TUBGCP4: variants seen among roughly 807,000 people sequenced by gnomAD.
The protein encoded by TUBGCP4 is tubulin gamma complex component 4.
A neutral mutation model predicts 91.6 loss-of-function variants in TUBGCP4; 54 were observed. The ratio of observed to expected loss-of-function variants is 0.59; its 90% CI spans 0.47 to 0.74. The LOEUF is 0.74. TUBGCP4 is among the 30% of genes least tolerant of loss of function. The pLI, the probability that TUBGCP4 is intolerant of heterozygous loss-of-function variation, is 0.00. For missense variants in TUBGCP4, 593 were observed against 800.9 expected, an observed-to-expected ratio of 0.74 and a Z score of 3.13; for synonymous variants, 297 against 302.8, an observed-to-expected ratio of 0.98 and a Z score of 0.20.
rs1304534290 is a variant in TUBGCP4 at position 43,376,243 on chromosome 15, G to C, written c.207+17G>C. The C allele has an allele frequency of 8.7e-6, 14 of 1,612,822 alleles. No homozygotes were observed. Among genetic ancestry groups the C allele is most frequent in the Non-Finnish European group, 1.2e-5 (14 of 1,179,480 alleles). Reference sequence around the variant, plus strand: ...CAACAGCAGGTGGGTCCTGTTCTCTGTGGGTGTACACCTCTAGAGGGCAGG... The same window carrying C: ...CAACAGCAGGTGGGTCCTGTTCTCTCTGGGTGTACACCTCTAGAGGGCAGG... On this transcript the variant is annotated intron_variant, in intron 2 of 17. Coordinates refer to ENST00000564079, the MANE Select transcript of TUBGCP4 (RefSeq NM_014444.5).
chr15:43,371,720 A>G (rs1486371646), intron 1 of TUBGCP4, among the ~76,000 whole-genome samples: 1 of 152,196 alleles, frequency 6.6e-6, no homozygotes, highest in Non-Finnish European at 1.5e-5. Context: ...GGAATGATAT[A>G]GAAGTGTGGG....
intron 6 of TUBGCP4, among the ~76,000 whole-genome samples, chr15:43,381,455 G>A (rs1221258390): frequency 2.6e-5 from 4 of 152,082 alleles, no homozygotes; most frequent in Admixed American, 6.5e-5. Flanking sequence ...AACACTTGTA[G>A]GCTGGGCTCG....
rs765125458 is a variant in TUBGCP4, at chr15:43,371,307, G to A, written c.-48G>A. The stretch of plus-strand genomic sequence containing the variant: ...TCCCCTCGTGGTCGCCTGGAGGTGC[G>A]CTGGAGGAGGGGGTGACATAACCAG... On this transcript the variant is annotated 5_prime_UTR_variant, in exon 1 of 18. Transcript: ENST00000564079. 1 of 1,584,718 alleles carries A rather than the reference G, an allele frequency of 6.3e-7. No individual in the cohort carries two copies. Among genetic ancestry groups the A allele is most frequent in the South Asian group, 1.1e-5 (1 of 88,390 alleles).
intron 9 of TUBGCP4, among the ~76,000 whole-genome samples, chr15:43,386,756 G>A (rs1439907828): frequency 6.8e-6 from 1 of 146,394 alleles, no homozygotes; most frequent in Non-Finnish European, 1.5e-5. Context: ...AAAAGACACT[G>A]AGTTACTTGA....
intron 16 of TUBGCP4, chr15:43,404,073 C>A (rs1004181300): frequency 1.7e-5 from 9 of 524,564 alleles, no homozygotes; most frequent in African/African-American, 3.8e-5. Flanking sequence ...CATCCTCCCC[C>A]CTCCTTACTT....
intron 9 of TUBGCP4, among the ~76,000 whole-genome samples, chr15:43,393,058 C>G (rs113260097): frequency 6.6e-6 from 1 of 152,124 alleles, no homozygotes; most frequent in Non-Finnish European, 1.5e-5. Context: ...AGGAGGAGAC[C>G]AGGCTTCTTT....
rs953030825 is a variant in TUBGCP4, at chr15:43,407,808, A to C, written c.*2594A>C. 2 of 940,510 alleles carry C rather than the reference A, an allele frequency of 2.1e-6. No individual in the cohort carries two copies. The highest frequency in any genetic ancestry group is 3.3e-5 in the African/African-American group (2 of 60,828). 58.3% of individuals were successfully genotyped at this position (940,510 alleles called of 1,614,324 possible). On this transcript the variant is annotated 3_prime_UTR_variant, in exon 18 of 18. Coordinates refer to ENST00000564079, the MANE Select transcript of TUBGCP4 (RefSeq NM_014444.5). ...TCACTTATGTTGACTCACCTCTTGAAGGTGGTACTTTTCTTCTCTAAGAAA... is the reference window on the plus strand; with the variant it reads ...TCACTTATGTTGACTCACCTCTTGACGGTGGTACTTTTCTTCTCTAAGAAA...
At position 43,387,754 on chromosome 15, in the gene TUBGCP4, G is replaced by A. The variant is rs115636259; in HGVS notation, c.1014+1424G>A. Among the ~76,000 whole-genome samples, 1,184 of 152,160 alleles carry A rather than the reference G, an allele frequency of 7.8e-3. 16 individuals are homozygous for A. Among genetic ancestry groups the A allele is most frequent in the African/African-American group, 0.027 (1,136 of 41,488 alleles). On this transcript the variant is annotated intron_variant, in intron 9 of 17. Transcript: ENST00000564079. ...TGGGATTATAGATGTGAGCCACTGC[G>A]CCTGGCCCGCATGAGGAAATTTTAA... is the stretch of plus-strand genomic sequence containing the variant.
intron 15 of TUBGCP4, 148 bp downstream of exon 15, chr15:43,401,998 C>T: frequency 2.0e-6 from 2 of 991,564 alleles, no homozygotes; most frequent in Non-Finnish European, 2.9e-6. Context: ...AGCGGCGGGG[C>T]ATGGTGGCTC....
chr15:43,408,744 A>AGAT lies in TUBGCP4; in HGVS notation c.*3531_*3533dup. On this transcript the variant is annotated 3_prime_UTR_variant, in exon 18 of 18. Coordinates refer to ENST00000564079, the MANE Select transcript of TUBGCP4 (RefSeq NM_014444.5). Reference sequence around the variant, plus strand: ...CCAATGTAACCTAGGGAAATAAACTAGATAAACTCCTGAAGTCATTTCAAA... The same window carrying AGAT: ...CCAATGTAACCTAGGGAAATAAACTAGATGATAAACTCCTGAAGTCATTTCAAA... The AGAT allele has an allele frequency of 1.4e-6, 1 of 709,408 alleles. No individual in the cohort carries two copies. The allele number at this position is 709,408 out of a possible 1,614,324, so 43.9% of individuals were successfully genotyped here.
At position 43,395,687 on chromosome 15, in the gene TUBGCP4, T is replaced by C. The variant is rs765035473; in HGVS notation, c.1170T>C (p.His390=). 7 of 1,612,328 alleles carry C rather than the reference T, an allele frequency of 4.3e-6. No homozygotes were observed. The highest frequency in any genetic ancestry group is 1.7e-5 in the Admixed American group (1 of 59,990). ...CACCACCCACTGCAGTAACTGAGCA[T>C]GGTAATTGTCAGTGGCCCTGAGAAT... ...LKTPPTAVTE[H]DVNVAFQQSA... The change falls in exon 11 of 18, where the codon CAT becomes CAC. Residue 390 remains histidine, a splice_region_variant and synonymous_variant. Coordinates refer to ENST00000564079, the MANE Select transcript of TUBGCP4 (RefSeq NM_014444.5).
At chr15:43,404,986 T>C in intron 17 of TUBGCP4, 1 of 569,812 alleles carries the variant, frequency 1.8e-6, no homozygotes, top group Non-Finnish European at 3.1e-6. Flanking sequence ...TTCCCAGAGG[T>C]CTGTCATTCC....
intron 1 of TUBGCP4, among the ~76,000 whole-genome samples, chr15:43,373,784 G>T (rs1042447407): frequency 2.6e-5 from 4 of 152,062 alleles, no homozygotes; most frequent in Non-Finnish European, 5.9e-5. Flanking sequence ...GAGCAGCTGG[G>T]ACTACAGGCG....
intron 6 of TUBGCP4, among the ~76,000 whole-genome samples, chr15:43,382,329 A>G (rs9972367): frequency 0.024 from 3,647 of 152,238 alleles, 144 homozygotes; most frequent in African/African-American, 0.084. Flanking sequence ...CTATATCCAA[A>G]TTTTTCTAGT....
intron 14 of TUBGCP4, among the ~76,000 whole-genome samples, chr15:43,400,786 C>T (rs1355090999): frequency 6.6e-6 from 1 of 152,028 alleles, no homozygotes; most frequent in African/African-American, 2.4e-5. Flanking sequence ...AGCGTGGTGG[C>T]GCCTGTTTGT....
At chr15:43,387,083 T>A (rs2044387209) in intron 9 of TUBGCP4, among the ~76,000 whole-genome samples, 1 of 152,240 alleles carries the variant, frequency 6.6e-6, no homozygotes, top group African/African-American at 2.4e-5. Flanking sequence ...TCATAACTTA[T>A]ACTTTCATTT....
intron 9 of TUBGCP4, among the ~76,000 whole-genome samples, chr15:43,392,703 T>C (rs1039645974): frequency 4.6e-5 from 7 of 152,142 alleles, no homozygotes; most frequent in Non-Finnish European, 1.0e-4. Flanking sequence ...TTCGCCATGT[T>C]GTGCTGGCTG....
At chr15:43,372,237 G>A (rs1231129293) in intron 1 of TUBGCP4, among the ~76,000 whole-genome samples, 1 of 152,142 alleles carries the variant, frequency 6.6e-6, no homozygotes, top group Non-Finnish European at 1.5e-5. Flanking sequence ...ATGCTGGCCA[G>A]TCCTAGTAGT....
At chr15:43,389,263 T>A (rs2044429514) in intron 9 of TUBGCP4, among the ~76,000 whole-genome samples, 1 of 152,252 alleles carries the variant, frequency 6.6e-6, no homozygotes, top group Admixed American at 6.5e-5. Flanking sequence ...GAAATGGTGG[T>A]ATTACTTTTT....
Sources: allele counts gnomAD v4.1 joint callset (sites outside exome capture counted in the v4.1 genomes callset), GRCh38; gene constraint gnomAD v4.1.1; transcripts MANE v1.5; gene names NCBI Gene and HGNC (gene_info 2026-07-23, HGNC 2026-07-21).